The following ATF2 variants were observed in gnomAD, a reference collection of about 807,000 sequenced individuals.
ATF2 encodes cyclic AMP-dependent transcription factor ATF-2.
A neutral mutation model predicts 60.6 loss-of-function variants in ATF2; 24 were observed. That is an observed-to-expected ratio of 0.40 (90% CI 0.29 to 0.56). ATF2 has a LOEUF of 0.56. Ranked by LOEUF, ATF2 falls within the 20% of genes least tolerant of loss-of-function variation. ATF2 has a pLI of 0.54. For synonymous variants in ATF2, 206 were observed against 215.4 expected (o/e 0.96, Z 0.38); for missense variants, 433 against 607.7 (o/e 0.71, Z 3.02).
At chr2:175,083,887 T>A (rs2105551010) in intron 12 of ATF2, among the ~76,000 whole-genome samples, 1 of 151,976 alleles carries the variant, frequency 6.6e-6, no homozygotes, top group South Asian at 2.1e-4. Flanking sequence ...AAAAGACACA[T>A]GAAAAAAATG....
intron 10 of ATF2, among the ~76,000 whole-genome samples, chr2:175,099,600 C>T (rs974449963): frequency 2.0e-5 from 3 of 152,164 alleles, no homozygotes; most frequent in African/African-American, 4.8e-5. Context: ...TGGAAACATA[C>T]ATTGTATAGC....
At chr2:175,136,015 GT>G (rs34199956) in intron 3 of ATF2, among the ~76,000 whole-genome samples, 21,264 of 124,840 alleles carry the variant, frequency 0.17, 1,669 homozygotes, top group African/African-American at 0.25. Context: ...TTCTTTCTTT[GT>G]TTTTTTTTTT....
chr2:175,111,445 T>C, intron 10 of ATF2, 123 bp downstream of exon 10: 1 of 847,456 alleles, frequency 1.2e-6, no homozygotes, highest in South Asian at 2.2e-5. Context: ...TTATCTATAG[T>C]ATAAAACAGT....
In ATF2 at chr2:175,081,600, C is replaced by T. The variant is rs1693761231; in HGVS notation, c.1186-835G>A. On this transcript the variant is annotated intron_variant, in intron 12 of 13. Transcript: ENST00000264110. Reference sequence around the variant, plus strand: ...GGTAATATAAAAAATTCTTAGCTTACAAATACTTCTACTTACTTGGACTCA... The same window carrying T: ...GGTAATATAAAAAATTCTTAGCTTATAAATACTTCTACTTACTTGGACTCA... 2.0e-5 allele frequency among the ~76,000 whole-genome samples: 3 copies of T among 152,166 alleles called. No homozygotes were observed. The South Asian group carries it at 6.2e-4, about 32-fold the overall frequency.
chr2:175,116,311 A>T (rs1399571516), intron 7 of ATF2, among the ~76,000 whole-genome samples: 1 of 151,364 alleles, frequency 6.6e-6, no homozygotes, highest in East Asian at 1.9e-4. Flanking sequence ...TTCAGGTCTG[A>T]TAAAATATGC....
At chr2:175,161,641 A>C (rs1181716902) in intron 1 of ATF2, among the ~76,000 whole-genome samples, 1 of 152,182 alleles carries the variant, frequency 6.6e-6, no homozygotes, top group African/African-American at 2.4e-5. Flanking sequence ...ATATACTCAT[A>C]TACACTTTCT....
chr2:175,146,689 T>C (rs1264496474), intron 2 of ATF2, among the ~76,000 whole-genome samples: 1 of 152,224 alleles, frequency 6.6e-6, no homozygotes, highest in Non-Finnish European at 1.5e-5. Flanking sequence ...TGTACTGTTT[T>C]AAATAGAGTG....
chr2:175,131,558 G>C (rs962567738), intron 3 of ATF2, among the ~76,000 whole-genome samples: 1 of 152,154 alleles, frequency 6.6e-6, no homozygotes, highest in Non-Finnish European at 1.5e-5. Flanking sequence ...AGCATTATAA[G>C]CTATTTTATA....
intron 11 of ATF2, among the ~76,000 whole-genome samples, chr2:175,094,246 T>C (rs1451226688): frequency 6.6e-6 from 1 of 151,354 alleles, no homozygotes; most frequent in African/African-American, 2.4e-5. Context: ...ACAAAAAAAT[T>C]AGCTGAGCGT....
At chr2:175,107,564 C>T (rs1695760508) in intron 10 of ATF2, among the ~76,000 whole-genome samples, 1 of 151,868 alleles carries the variant, frequency 6.6e-6, no homozygotes. Context: ...CCCTCTCCCT[C>T]TCCCCATGGT....
At chr2:175,093,940 C>T (rs1001058369) in intron 11 of ATF2, among the ~76,000 whole-genome samples, 4 of 152,214 alleles carry the variant, frequency 2.6e-5, no homozygotes, top group South Asian at 4.1e-4. Context: ...CCCTCTGCTC[C>T]CCAATGAATC....
At chr2:175,140,309 G>A (rs1372835957) in intron 2 of ATF2, among the ~76,000 whole-genome samples, 1 of 152,166 alleles carries the variant, frequency 6.6e-6, no homozygotes, top group Admixed American at 6.5e-5. Context: ...AGCGAATAAA[G>A]AGATTTTCTT....
chr2:175,160,957 G>A (rs370940929), intron 1 of ATF2, among the ~76,000 whole-genome samples: 7 of 152,120 alleles, frequency 4.6e-5, no homozygotes, highest in Non-Finnish European at 1.0e-4. Context: ...AAGATCTCTC[G>A]AGCCCCAGAG....
intron 8 of ATF2, 39 bp from the exon 9 acceptor site, chr2:175,114,147 T>C (rs1165807154): frequency 6.5e-7 from 1 of 1,535,004 alleles, no homozygotes; most frequent in Admixed American, 2.2e-5. Context: ...AAAAAAGAGA[T>C]TCATACCAAC....
rs545814154 is a variant in ATF2, at chr2:175,145,741, A to G, written c.-44+5319T>C. ...GTCCTTCCTTACTTTCTGGCACAAG[A>G]TATTCAAGACGCATCCTGTACTGCT... On this transcript the variant is annotated intron_variant, in intron 2 of 13. Coordinates refer to ENST00000264110, the MANE Select transcript of ATF2 (RefSeq NM_001880.4). 9.8e-5 allele frequency among the ~76,000 whole-genome samples: 15 copies of G among 152,318 alleles called. No individual in the cohort carries two copies. The South Asian group carries it at 3.1e-3, about 32-fold the overall frequency.
chr2:175,126,399 T>A (rs1223742409), intron 4 of ATF2, among the ~76,000 whole-genome samples: 1 of 152,148 alleles, frequency 6.6e-6, no homozygotes, highest in Admixed American at 6.6e-5. Context: ...AGACAAAATG[T>A]AAGTATTACA....
chr2:175,144,943 T>C (rs1292769129), intron 2 of ATF2, among the ~76,000 whole-genome samples: 2 of 152,156 alleles, frequency 1.3e-5, no homozygotes, highest in African/African-American at 4.8e-5. Context: ...TACGTGGATA[T>C]TGATCAAATA....
chr2:175,152,109 A>C (rs947175050), intron 1 of ATF2, among the ~76,000 whole-genome samples: 10 of 152,182 alleles, frequency 6.6e-5, no homozygotes, highest in Admixed American at 3.3e-4. Flanking sequence ...TAGGAGGAAT[A>C]TTGGCAGACA....
intron 11 of ATF2, 81 bp from the exon 12 acceptor site, chr2:175,093,348 G>A: frequency 1.5e-6 from 2 of 1,352,484 alleles, no homozygotes; most frequent in Non-Finnish European, 2.0e-6. Flanking sequence ...TGTCAAAGGG[G>A]GAGAGCAACT....
Sources: allele counts gnomAD v4.1 joint callset (sites outside exome capture counted in the v4.1 genomes callset), GRCh38; gene constraint gnomAD v4.1.1; transcripts MANE v1.5; gene names NCBI Gene and HGNC (gene_info 2026-07-23, HGNC 2026-07-21).